PLEKHG1: variants seen among roughly 807,000 people sequenced by gnomAD.
The protein encoded by PLEKHG1 is pleckstrin homology and RhoGEF domain containing G1, also known as pleckstrin homology domain-containing family G member 1.
A neutral mutation model predicts 100.8 loss-of-function variants in PLEKHG1; 44 were observed. The observed-to-expected ratio is 0.44, with a 90% CI of 0.34 to 0.56. The LOEUF is 0.56. Ranked by LOEUF, PLEKHG1 falls within the 20% of genes least tolerant of loss-of-function variation. PLEKHG1 has a pLI of 0.01. For synonymous variants in PLEKHG1, 640 were observed against 662.5 expected (o/e 0.97, Z 0.52); for missense variants, 1,545 against 1,720.9 (o/e 0.90, Z 1.81).
At chr6:150,793,960 T>C (rs1786153442) in intron 4 of PLEKHG1, among the ~76,000 whole-genome samples, 2 of 152,072 alleles carry the variant, frequency 1.3e-5, no homozygotes, top group Admixed American at 6.6e-5. Context: ...CGCATGCCTG[T>C]AATCCCTGCT....
chr6:150,749,168 G>A (rs551284953), intron 2 of PLEKHG1, among the ~76,000 whole-genome samples: 3 of 152,276 alleles, frequency 2.0e-5, no homozygotes, highest in African/African-American at 7.2e-5. Context: ...TTCATTTGGA[G>A]ACAACTGGAA....
chr6:150,756,059 CTT>C (rs1783824780), intron 2 of PLEKHG1, among the ~76,000 whole-genome samples: 1 of 152,180 alleles, frequency 6.6e-6, no homozygotes, highest in South Asian at 2.1e-4. Flanking sequence ...AGTCCACTCT[CTT>C]AGGTTAAAGA....
At chr6:150,833,794 A>G (rs559568696) in intron 15 of PLEKHG1, among the ~76,000 whole-genome samples, 59 of 152,318 alleles carry the variant, frequency 3.9e-4, no homozygotes, top group African/African-American at 1.2e-3. Context: ...AGAGGAGTCT[A>G]TTCTACAATT....
At chr6:150,745,398 T>A (rs77414620) in intron 2 of PLEKHG1, among the ~76,000 whole-genome samples, 16,655 of 152,112 alleles carry the variant, frequency 0.11, 1,108 homozygotes, top group East Asian at 0.22. Context: ...AATCACGCAC[T>A]TTGGCCAGCC....
At chr6:150,779,705 G>A (rs921290372) in intron 3 of PLEKHG1, among the ~76,000 whole-genome samples, 5 of 151,642 alleles carry the variant, frequency 3.3e-5, no homozygotes, top group African/African-American at 1.2e-4. Context: ...GGTGGCTCAC[G>A]CCCGTATTCC....
chr6:150,619,363 C>T (rs986533131), intron 1 of PLEKHG1, among the ~76,000 whole-genome samples: 1 of 152,194 alleles, frequency 6.6e-6, no homozygotes, highest in Non-Finnish European at 1.5e-5. Context: ...CTTTCATTCT[C>T]CCTTCTTCTG....
At chr6:150,835,861 A>C (rs1777196092) in intron 15 of PLEKHG1, among the ~76,000 whole-genome samples, 1 of 152,192 alleles carries the variant, frequency 6.6e-6, no homozygotes, top group Admixed American at 6.5e-5. Flanking sequence ...ACAGTGACTC[A>C]CACCTCTATT....
At chr6:150,741,071 T>A (rs1435084120) in intron 2 of PLEKHG1, among the ~76,000 whole-genome samples, 1 of 152,212 alleles carries the variant, frequency 6.6e-6, no homozygotes, top group Non-Finnish European at 1.5e-5. Flanking sequence ...AGTGTTCATA[T>A]CTTCATACTG....
intron 1 of PLEKHG1, among the ~76,000 whole-genome samples, chr6:150,606,063 A>T (rs1055023775): frequency 6.6e-6 from 1 of 152,244 alleles, no homozygotes; most frequent in African/African-American, 2.4e-5. Context: ...AATATAGTAC[A>T]TAAAAGTATT....
intron 1 of PLEKHG1, among the ~76,000 whole-genome samples, chr6:150,620,541 T>G (rs1367992175): frequency 1.3e-5 from 2 of 152,236 alleles, no homozygotes; most frequent in Non-Finnish European, 2.9e-5. Context: ...CCACACCCAC[T>G]TATTCCAACT....
chr6:150,682,322 C>T (rs538895538), intron 3 of PLEKHG1, among the ~76,000 whole-genome samples: 25 of 152,258 alleles, frequency 1.6e-4, no homozygotes, highest in Admixed American at 3.9e-4. Flanking sequence ...CAAAGTGTGG[C>T]ACAAAACACT....
At chr6:150,768,653 A>C (rs1399354029) in exon 3 of PLEKHG1, 5 of 1,608,816 alleles carry the variant, frequency 3.1e-6, no homozygotes, top group Non-Finnish European at 4.3e-6. Context: ...CCTTGACTGC[A>C]TCAGGGACCA....
At chr6:150,644,334 G>GGTTTTTTTTTTTTT (rs1554255840) in intron 2 of PLEKHG1, among the ~76,000 whole-genome samples, 2,218 of 117,384 alleles carry the variant, frequency 0.019, 46 homozygotes, top group South Asian at 0.039. Context: ...TTCTTTTCGT[G>GGTTTTTTTTTTTTT]TTTTTTTTTT....
At chr6:150,822,859 A>C (rs1381117176) in intron 13 of PLEKHG1, among the ~76,000 whole-genome samples, 2 of 152,210 alleles carry the variant, frequency 1.3e-5, no homozygotes, top group Non-Finnish European at 2.9e-5. Context: ...TTATGCCTGT[A>C]ATCCCAGCTA....
At chr6:150,801,286 A>G (rs1324149329) in intron 6 of PLEKHG1, among the ~76,000 whole-genome samples, 2 of 152,220 alleles carry the variant, frequency 1.3e-5, no homozygotes, top group South Asian at 2.1e-4. Flanking sequence ...GGGAGAAGAC[A>G]GATGAGCAGA....
At chr6:150,719,369 A>G (rs975313447), upstream of PLEKHG1, among the ~76,000 whole-genome samples, 1 of 152,214 alleles carries the variant, frequency 6.6e-6, no homozygotes, top group Non-Finnish European at 1.5e-5. Flanking sequence ...GAGGCTGTGC[A>G]CGATGGATGA....
chr6:150,626,993 G>GA (rs1777537756), intron 1 of PLEKHG1, among the ~76,000 whole-genome samples: 1 of 152,194 alleles, frequency 6.6e-6, no homozygotes, highest in Non-Finnish European at 1.5e-5. Flanking sequence ...GACATGCTGG[G>GA]AAAAAGGGGC....
chr6:150,628,054 C>T (rs1777575185), intron 1 of PLEKHG1, among the ~76,000 whole-genome samples: 1 of 152,026 alleles, frequency 6.6e-6, no homozygotes. Context: ...AAAATAGAAC[C>T]CACTCTTGTA....
intron 1 of PLEKHG1, among the ~76,000 whole-genome samples, chr6:150,615,716 C>T (rs1309776978): frequency 6.6e-6 from 1 of 152,082 alleles, no homozygotes; most frequent in Non-Finnish European, 1.5e-5. Context: ...AATAAGCAGA[C>T]CGGATATGAG....
Sources: gnomAD v4.1 joint callset for allele counts (sites outside exome capture counted in the v4.1 genomes callset) on GRCh38, gnomAD v4.1.1 for gene constraint, MANE v1.5 for transcripts, NCBI Gene and HGNC (gene_info 2026-07-23, HGNC 2026-07-21) for gene names.